CHRM4: variants seen among roughly 807,000 people sequenced by gnomAD.
CHRM4 encodes cholinergic receptor muscarinic 4.
A neutral mutation model predicts 26.3 loss-of-function variants in CHRM4; 5 were observed. The observed-to-expected ratio is 0.19, with a 90% CI of 0.10 to 0.40. The LOEUF (loss-of-function observed/expected upper bound fraction) is 0.40, where lower values mean the gene tolerates loss of function less well. Ranked by LOEUF, CHRM4 falls within the 10% of genes least tolerant of loss-of-function variation. The pLI, the probability that CHRM4 is intolerant of heterozygous loss-of-function variation, is 1.00. For missense variants in CHRM4, 402 were observed against 664.5 expected (o/e 0.60, Z 4.34); for synonymous variants, 290 against 285.3 (o/e 1.02, Z -0.16).
At position 46,386,882 on chromosome 11, in the gene CHRM4, TGAGA is replaced by T. The variant is rs1442481901; in HGVS notation, c.-29-300_-29-297del. On this transcript the variant is annotated intron_variant, in intron 1 of 1. Transcript: ENST00000682254. This position sits in a 1 kb window ranked among gnomAD's most constrained non-coding sequence, Gnocchi z 5.8. ...ACAAAAGAAAAAAAAGGCAGGGTGATGAGAGAGTGAGTCAGAAGGCAGGACAGGC... is the reference window on the plus strand; with the variant it reads ...ACAAAAGAAAAAAAAGGCAGGGTGATGAGTGAGTCAGAAGGCAGGACAGGC... Among the ~76,000 whole-genome samples, 1 of 151,928 alleles carries T rather than the reference TGAGA, an allele frequency of 6.6e-6. No homozygotes were observed. The highest frequency in any genetic ancestry group is 1.5e-5 in the Non-Finnish European group (1 of 67,984).
rs571402894 is a variant in CHRM4, at chr11:46,385,727, C to G, written c.831G>C (p.Pro277=). The change falls in exon 2 of 2, where the codon CCG becomes CCC. Residue 277 remains proline (P), a synonymous_variant. Coordinates refer to ENST00000682254, the MANE Select transcript of CHRM4 (RefSeq NM_000741.5). The surrounding 1 kb of genome is among the most constrained non-coding windows in gnomAD (Gnocchi z 6.3). ...GGCGCGGTGGCGGTGGCAGCGCTGG[C>G]GGGGGGGCCTCCTCCAGCTTGCCAT... ...LRNGKLEEAP[P]PALPPPPRPV... 4.2e-5 allele frequency: 66 copies of G among 1,576,756 alleles called. No homozygotes were observed. The East Asian group carries it at 1.4e-3, about 34-fold the overall frequency.
chr11:46,383,822 T>C lies in CHRM4; in HGVS notation c.*1296A>G, dbSNP rs1175940543. The C allele has an allele frequency of 4.8e-6, 2 of 415,770 alleles. No homozygotes were observed. The highest frequency in any genetic ancestry group is 2.1e-5 in the South Asian group (1 of 48,026). 25.8% of individuals were successfully genotyped at this position (415,770 alleles called of 1,614,324 possible). Reference sequence around the variant, plus strand: ...CCCAATAAAAGCTCTTCTTTTTTAATATATAAAAGCCCCTTCCCAAGGAGT... The same window carrying C: ...CCCAATAAAAGCTCTTCTTTTTTAACATATAAAAGCCCCTTCCCAAGGAGT... On this transcript the variant is annotated 3_prime_UTR_variant, in exon 2 of 2. Transcript: ENST00000682254.
chr11:46,384,165 C>T lies in CHRM4; in HGVS notation c.*953G>A, dbSNP rs1945305091. On this transcript the variant is annotated 3_prime_UTR_variant, in exon 2 of 2. Coordinates refer to ENST00000682254, the MANE Select transcript of CHRM4 (RefSeq NM_000741.5). ...CACAGCCAATCAGGAAGGTTCTACC[C>T]ATGGGGGAGAGCAGATGCGAGGGCT... 6.6e-6 allele frequency among the ~76,000 whole-genome samples: 1 copy of T among 152,220 alleles called. No individual in the cohort carries two copies. The highest frequency in any genetic ancestry group is 1.5e-5 in the Non-Finnish European group (1 of 68,034).
Position 46,386,168 on chromosome 11 carries a change from G to A in CHRM4, c.390C>T (p.Arg130=). ...VMNLLIISFD[R]YFCVTKPLTY... ...TGAGAGGCTTGGTGACGCAGAAGTA[G>A]CGGTCAAAGCTGATGATGAGAAGGT... Residue 130 remains arginine (R), a synonymous_variant, in exon 2 of 2, where the codon CGC becomes CGT. Coordinates refer to ENST00000682254, the MANE Select transcript of CHRM4 (RefSeq NM_000741.5). This position sits in a 1 kb window ranked among gnomAD's most constrained non-coding sequence, Gnocchi z 5.8. 6.2e-7 allele frequency: 1 copy of A among 1,613,824 alleles called. No homozygotes were observed. The highest frequency in any genetic ancestry group is 8.5e-7 in the Non-Finnish European group (1 of 1,179,880).
chr11:46,387,428 A>AT (rs1456046651), intron 1 of CHRM4, among the ~76,000 whole-genome samples: 1 of 152,142 alleles, frequency 6.6e-6, no homozygotes, highest in Admixed American at 6.5e-5. Context: ...GCCTGGCAAC[A>AT]TTTTTTATAG....
chr11:46,386,729 C>A lies in CHRM4; in HGVS notation c.-29-143G>T. On this transcript the variant is annotated intron_variant, in intron 1 of 1. Coordinates refer to ENST00000682254, the MANE Select transcript of CHRM4 (RefSeq NM_000741.5). The surrounding 1 kb of genome is among the most constrained non-coding windows in gnomAD (Gnocchi z 5.8). ...CTCTGTCCCGCCATCCCGCATTTGC[C>A]CATTCATTCAACATTAATTGAGCAC... 1 of 800,758 alleles carries A rather than the reference C, an allele frequency of 1.2e-6. No individual in the cohort carries two copies. The highest frequency in any genetic ancestry group is 1.9e-6 in the Non-Finnish European group (1 of 516,816). The allele number at this position is 800,758 out of a possible 1,614,324, so 49.6% of individuals were successfully genotyped here.
At chr11:46,387,053 C>G (rs996297279) in intron 1 of CHRM4, among the ~76,000 whole-genome samples, 2 of 143,500 alleles carry the variant, frequency 1.4e-5, no homozygotes, top group Non-Finnish European at 1.6e-5. Flanking sequence ...TGGACAGAGG[C>G]CAGTGCTGGG....
chr11:46,386,404 G>A lies in CHRM4; in HGVS notation c.154C>T (p.Leu52=), dbSNP rs1945341484. The A allele has an allele frequency of 1.9e-6, 3 of 1,614,002 alleles. No homozygotes were observed. Among genetic ancestry groups the A allele is most frequent in the Admixed American group, 1.7e-5 (1 of 60,020 alleles). The part of the protein sequence containing the change: ...LSLVTVVGNI[L]VMLSIKVNRQ... ...TTGACCTTGATGGACAGCATCACCA[G>A]GATGTTGCCCACGACAGTCACCAGG... is the stretch of plus-strand genomic sequence containing the variant. Residue 52 remains leucine (L), a synonymous_variant, in exon 2 of 2, where the codon CTG becomes TTG. Coordinates refer to ENST00000682254, the MANE Select transcript of CHRM4 (RefSeq NM_000741.5). This position sits in a 1 kb window ranked among gnomAD's most constrained non-coding sequence, Gnocchi z 5.8.
In CHRM4 at chr11:46,384,257, T is replaced by G. The variant is rs536488178; in HGVS notation, c.*861A>C. 6.6e-6 allele frequency among the ~76,000 whole-genome samples: 1 copy of G among 152,344 alleles called. No individual in the cohort carries two copies. The highest frequency in any genetic ancestry group is 1.5e-5 in the Non-Finnish European group (1 of 68,024). On this transcript the variant is annotated 3_prime_UTR_variant, in exon 2 of 2. Transcript: ENST00000682254. ...ATGGAAACCCGAGTGAGCCACCAGG[T>G]TGACCCCTTTCCTCTTGCCTGTGTG... is the stretch of plus-strand genomic sequence containing the variant.
chr11:46,387,475 G>A (rs1229655249), intron 1 of CHRM4, among the ~76,000 whole-genome samples: 2 of 152,178 alleles, frequency 1.3e-5, no homozygotes, highest in African/African-American at 4.8e-5. Flanking sequence ...AACCTATGAG[G>A]TAGATACCAT....
Position 46,386,446 on chromosome 11 carries a change from C to A in CHRM4, c.112G>T (p.Val38Leu), listed in dbSNP as rs1425342300. 2 of 1,613,784 alleles carry A rather than the reference C, an allele frequency of 1.2e-6. No individual in the cohort carries two copies. The highest frequency in any genetic ancestry group is 2.7e-5 in the African/African-American group (2 of 74,922). The change falls in exon 2 of 2, where the codon GTG becomes TTG. Residue 38 changes from valine to leucine, a missense_variant. Transcript: ENST00000682254. This position sits in a 1 kb window ranked among gnomAD's most constrained non-coding sequence, Gnocchi z 5.8. ...GTCACCAGGCTCAGGGAGCCTGTCA[C>A]TGTGGCAATGAAGACCATTTCCACC... Reference protein sequence around the residue: ...ETVEMVFIATVTGSLSLVTVV... With the variant: ...ETVEMVFIATLTGSLSLVTVV...
chr11:46,386,376 C>T lies in CHRM4; in HGVS notation c.182G>A (p.Arg61Lys). The T allele has an allele frequency of 6.2e-7, 1 of 1,614,056 alleles. No individual in the cohort carries two copies. Among genetic ancestry groups the T allele is most frequent in the Non-Finnish European group, 8.5e-7 (1 of 1,179,954 alleles). Residue 61 changes from arginine (R) to lysine (K), a missense_variant, in exon 2 of 2, where the codon AGG (arginine) becomes AAG (lysine). Physicochemically the swap from Arg to Lys is conservative, Grantham distance 26. Transcript: ENST00000682254. This position sits in a 1 kb window ranked among gnomAD's most constrained non-coding sequence, Gnocchi z 5.8. ...GTAGTTGTTGACTGTCTGCAGCTGCCTGTTGACCTTGATGGACAGCATCAC... is the reference window on the plus strand; with the variant it reads ...GTAGTTGTTGACTGTCTGCAGCTGCTTGTTGACCTTGATGGACAGCATCAC... ...ILVMLSIKVNRQLQTVNNYFL... is the reference protein window; with the variant it reads ...ILVMLSIKVNKQLQTVNNYFL...
chr11:46,390,781 CTG>C (rs971859180), intron 1 of CHRM4, among the ~76,000 whole-genome samples: 2 of 152,278 alleles, frequency 1.3e-5, no homozygotes, highest in African/African-American at 2.4e-5. Flanking sequence ...GGCGTGGGCA[CTG>C]TGTTTCCCGA....
chr11:46,385,081 A>T lies in CHRM4; in HGVS notation c.*37T>A, dbSNP rs1227416878. ...GCCGTGTGGTCCCCCCAGCACACGC[A>T]CGCAACACCAGCACCTCCTAGGGCA... On this transcript the variant is annotated 3_prime_UTR_variant, in exon 2 of 2. Transcript: ENST00000682254. The surrounding 1 kb of genome is among the most constrained non-coding windows in gnomAD (Gnocchi z 6.3). 6.5e-7 allele frequency: 1 copy of T among 1,543,562 alleles called. No homozygotes were observed. The highest frequency in any genetic ancestry group is 8.8e-7 in the Non-Finnish European group (1 of 1,138,448).
Position 46,386,538 on chromosome 11 carries a change from A to T in CHRM4, c.20T>A (p.Val7Asp). 2 of 1,611,638 alleles carry T rather than the reference A, an allele frequency of 1.2e-6. No individual in the cohort carries two copies. The highest frequency in any genetic ancestry group is 1.7e-6 in the Non-Finnish European group (2 of 1,178,386). The change falls in exon 2 of 2, where the codon GTC (valine) becomes GAC (aspartate). Residue 7 changes from valine to aspartate, a missense_variant. Physicochemically the swap from Val to Asp is radical, Grantham distance 152. This residue lies in a region of CHRM4 where 92 missense variants were observed against 133.1 expected (regional missense o/e 0.69). Coordinates refer to ENST00000682254, the MANE Select transcript of CHRM4 (RefSeq NM_000741.5). This position sits in a 1 kb window ranked among gnomAD's most constrained non-coding sequence, Gnocchi z 5.8. Reference sequence around the variant, plus strand: ...GGACTGATTGCCCGAGCTGCCATTGACAGGTGTGAAGTTGGCCATGTTGGT... The same window carrying T: ...GGACTGATTGCCCGAGCTGCCATTGTCAGGTGTGAAGTTGGCCATGTTGGT... MANFTPVNGSSGNQSVR... is the reference protein window; with the variant it reads MANFTPDNGSSGNQSVR...
Position 46,384,939 on chromosome 11 carries a change from T to G in CHRM4, c.*179A>C. On this transcript the variant is annotated 3_prime_UTR_variant, in exon 2 of 2. Transcript: ENST00000682254. Reference sequence around the variant, plus strand: ...GTTCAGACACTCCCTGGGGTGAGCCTCCTCAGCCTGAGCAGAGATCTGGTC... The same window carrying G: ...GTTCAGACACTCCCTGGGGTGAGCCGCCTCAGCCTGAGCAGAGATCTGGTC... 1.7e-6 allele frequency: 1 copy of G among 600,594 alleles called. No homozygotes were observed. The highest frequency in any genetic ancestry group is 2.1e-6 in the Non-Finnish European group (1 of 478,562). 37.2% of individuals were successfully genotyped at this position (600,594 alleles called of 1,614,324 possible). A position where few individuals can be genotyped will look rare whatever the true frequency, so the allele number is the denominator to read the frequency against.
In CHRM4 at chr11:46,384,168, G is replaced by T. The variant is rs1371710134; in HGVS notation, c.*950C>A. On this transcript the variant is annotated 3_prime_UTR_variant, in exon 2 of 2. Transcript: ENST00000682254. ...AGCCAATCAGGAAGGTTCTACCCAT[G>T]GGGGAGAGCAGATGCGAGGGCTGCG... is the stretch of plus-strand genomic sequence containing the variant. Among the ~76,000 whole-genome samples, 3 of 152,204 alleles carry T rather than the reference G, an allele frequency of 2.0e-5. No individual in the cohort carries two copies. Among genetic ancestry groups the T allele is most frequent in the Non-Finnish European group, 1.5e-5 (1 of 68,046 alleles).
chr11:46,385,244 G>A lies in CHRM4; in HGVS notation c.1314C>T (p.Gly438=), dbSNP rs201475720. 2.2e-5 allele frequency: 35 copies of A among 1,614,012 alleles called. No individual in the cohort carries two copies. In the African/African-American group the frequency reaches 3.5e-4, roughly 16 times the overall value. The change falls in exon 2 of 2, where the codon GGC becomes GGT. Residue 438 remains glycine, a synonymous_variant. Coordinates refer to ENST00000682254, the MANE Select transcript of CHRM4 (RefSeq NM_000741.5). The surrounding 1 kb of genome is among the most constrained non-coding windows in gnomAD (Gnocchi z 6.3). The part of the protein sequence containing the change: ...SCIPDTVWSI[G]YWLCYVNSTI... ...TGCTGTTGACGTAGCAGAGCCAGTA[G>A]CCAATGGACCACACCGTGTCAGGGA...
Position 46,385,391 on chromosome 11 carries a change from C to A in CHRM4, c.1167G>T (p.Arg389=). 1.9e-6 allele frequency: 3 copies of A among 1,609,906 alleles called. No homozygotes were observed. Among genetic ancestry groups the A allele is most frequent in the Non-Finnish European group, 2.5e-6 (3 of 1,176,628 alleles). The change falls in exon 2 of 2, where the codon CGG becomes CGT. Residue 389 remains arginine, a synonymous_variant. Transcript: ENST00000682254. This position sits in a 1 kb window ranked among gnomAD's most constrained non-coding sequence, Gnocchi z 6.3. ...SIARNQVRKK[R]QMAARERKVT... is the part of the protein sequence containing the mutation. Reference sequence around the variant, plus strand: ...CTTTGCGCTCCCGGGCCGCCATCTGCCGCTTCTTGCGCACCTGGTTGCGAG... The same window carrying A: ...CTTTGCGCTCCCGGGCCGCCATCTGACGCTTCTTGCGCACCTGGTTGCGAG...
Sources: gnomAD v4.1 joint callset for allele counts (sites outside exome capture counted in the v4.1 genomes callset) on GRCh38, gnomAD v4.1.1 for gene constraint, gnomAD v4.1.1 regional missense constraint, Gnocchi (gnomAD v3.1) non-coding constraint, MANE v1.5 for transcripts, NCBI Gene and HGNC (gene_info 2026-07-23, HGNC 2026-07-21) for gene names.